Variants in PDLIM1 observed in about 807,000 individuals in gnomAD.
PDLIM1 encodes PDZ and LIM domain 1, also known as PDZ and LIM domain protein 1.
Under a neutral mutation model 35.2 loss-of-function variants are expected in PDLIM1, and 25 were observed. The observed-to-expected ratio is 0.71, with a 90% CI of 0.52 to 0.99. The LOEUF (loss-of-function observed/expected upper bound fraction) is 0.99, where lower values mean the gene tolerates loss of function less well. PDLIM1 is among the 50% of genes least tolerant of loss of function. PDLIM1 has a pLI of 0.00. For synonymous variants in PDLIM1, 152 were observed against 154.0 expected, an observed-to-expected ratio of 0.99 and a Z score of 0.10; for missense variants, 363 against 415.3, an observed-to-expected ratio of 0.87 and a Z score of 1.09.
intron 4 of PDLIM1, among the ~76,000 whole-genome samples, chr10:95,256,994 G>GAAAAGAAAAGAAAAGA (rs773386796): frequency 4.5e-4 from 50 of 110,256 alleles, no homozygotes; most frequent in African/African-American, 1.4e-3. Flanking sequence ...AAAAAAGAAA[G>GAAAAGAAAAGAAAAGA]AAAGAAAGAA....
chr10:95,254,926 G>A (rs74669566), intron 4 of PDLIM1, among the ~76,000 whole-genome samples: 473 of 151,874 alleles, frequency 3.1e-3, no homozygotes, highest in African/African-American at 7.3e-3. Flanking sequence ...AAGTAAGTAA[G>A]TAAATAAATA....
At position 95,267,347 on chromosome 10, in the gene PDLIM1, G is replaced by A. The variant is rs529543528; in HGVS notation, c.333+1431C>T. On this transcript the variant is annotated intron_variant, in intron 3 of 6. Coordinates refer to ENST00000329399, the MANE Select transcript of PDLIM1 (RefSeq NM_020992.4). The stretch of plus-strand genomic sequence containing the variant: ...TCATTCCTTGTGTGTTATAAAATAT[G>A]TAAAAATTAAAATTTAACAATTAAA... Among the ~76,000 whole-genome samples, 3 of 152,184 alleles carry A rather than the reference G, an allele frequency of 2.0e-5. No individual in the cohort carries two copies. In the East Asian group the frequency reaches 5.8e-4, roughly 29 times the overall value.
intron 1 of PDLIM1, among the ~76,000 whole-genome samples, chr10:95,289,409 T>C (rs1281554346): frequency 6.6e-6 from 1 of 152,116 alleles, no homozygotes; most frequent in African/African-American, 2.4e-5. Flanking sequence ...TGTGTACCTT[T>C]GAGAATAATC....
In PDLIM1 at chr10:95,290,122, C is replaced by G. The variant is rs912825454; in HGVS notation, c.96+698G>C. On this transcript the variant is annotated intron_variant, in intron 1 of 6. Transcript: ENST00000329399. The surrounding 1 kb of genome is among the most constrained non-coding windows in gnomAD (Gnocchi z 4.7). ...GGTGGACACCCCATCGCAGTATCTA[C>G]TCATGCCCTGAGAAAAAAGGGCTGG... Among the ~76,000 whole-genome samples the G allele has an allele frequency of 6.6e-6, 1 of 152,142 alleles. No homozygotes were observed.
chr10:95,263,850 C>T lies in PDLIM1; in HGVS notation c.533+14G>A. 1 of 1,599,774 alleles carries T rather than the reference C, an allele frequency of 6.3e-7. No homozygotes were observed. Among genetic ancestry groups the T allele is most frequent in the Non-Finnish European group, 8.5e-7 (1 of 1,171,874 alleles). ...CCCAGGAGCGGCTCAGAGGAGGACT[C>T]CTGGGCTACTTACGGTCTGCTGTTC... On this transcript the variant is annotated intron_variant, in intron 4 of 6. Coordinates refer to ENST00000329399, the MANE Select transcript of PDLIM1 (RefSeq NM_020992.4).
intron 1 of PDLIM1, among the ~76,000 whole-genome samples, chr10:95,276,706 T>C (rs993671379): frequency 1.3e-5 from 2 of 152,048 alleles, no homozygotes; most frequent in African/African-American, 4.8e-5. Context: ...ATCTGCATCA[T>C]TACAGATGAG....
chr10:95,282,441 CAATAA>C (rs2035568761), intron 1 of PDLIM1, among the ~76,000 whole-genome samples: 2 of 152,122 alleles, frequency 1.3e-5, no homozygotes, highest in Non-Finnish European at 2.9e-5. Flanking sequence ...GGAAATGAGG[CAATAA>C]AATAGGGTAG....
At chr10:95,274,293 CTTT>C (rs11429361) in intron 1 of PDLIM1, among the ~76,000 whole-genome samples, 9 of 130,576 alleles carry the variant, frequency 6.9e-5, no homozygotes, top group African/African-American at 5.8e-5. Context: ...CACAGTCATC[CTTT>C]TTTTTTTTTT....
chr10:95,270,984 C>T (rs977215602), intron 2 of PDLIM1, among the ~76,000 whole-genome samples: 2 of 151,754 alleles, frequency 1.3e-5, no homozygotes, highest in African/African-American at 4.8e-5. Context: ...CTCCAGACCT[C>T]AAGTGATTTG....
intron 1 of PDLIM1, among the ~76,000 whole-genome samples, chr10:95,276,896 TAAAAA>T (rs61442624): frequency 4.4e-5 from 3 of 68,878 alleles, no homozygotes; most frequent in Admixed American, 2.2e-4. Context: ...TTCAGTTTCC[TAAAAA>T]AAAAAAAAAA....
chr10:95,284,009 GTGT>G (rs1438568416), intron 1 of PDLIM1, among the ~76,000 whole-genome samples: 1 of 151,788 alleles, frequency 6.6e-6, no homozygotes, highest in Non-Finnish European at 1.5e-5. Flanking sequence ...GTGTGTGTGT[GTGT>G]GTGTCTCCTT....
At chr10:95,253,798 T>C (rs1406203854) in intron 4 of PDLIM1, among the ~76,000 whole-genome samples, 1 of 152,214 alleles carries the variant, frequency 6.6e-6, no homozygotes, top group African/African-American at 2.4e-5. Context: ...TAACACTGTC[T>C]GATGTGGTTC....
chr10:95,263,807 C>A, intron 4 of PDLIM1, 57 bp downstream of exon 4: 1 of 1,400,070 alleles, frequency 7.1e-7, no homozygotes, highest in Admixed American at 1.9e-5. Flanking sequence ...AGCCCTGGTC[C>A]TGATGTGAAA....
intron 1 of PDLIM1, among the ~76,000 whole-genome samples, chr10:95,280,518 G>A (rs533670224): frequency 6.6e-6 from 1 of 152,254 alleles, no homozygotes; most frequent in South Asian, 2.1e-4. Flanking sequence ...ATTACCAAAT[G>A]CCCTGATTTG....
rs555025000 is a variant in PDLIM1 at position 95,290,677 on chromosome 10, G to A, written c.96+143C>T. On this transcript the variant is annotated intron_variant, in intron 1 of 6. Transcript: ENST00000329399. This position sits in a 1 kb window ranked among gnomAD's most constrained non-coding sequence, Gnocchi z 4.7. ...GCGGGGAGCGGCGGGGCCCGGGCGC[G>A]CGGAGAGCGCTCAACTAACAGCGCA... 4.8e-6 allele frequency: 2 copies of A among 413,074 alleles called. No homozygotes were observed. Among genetic ancestry groups the A allele is most frequent in the Admixed American group, 9.2e-5 (2 of 21,810 alleles). The allele number at this position is 413,074 out of a possible 1,614,324, so 25.6% of individuals were successfully genotyped here. A position where few individuals can be genotyped will look rare whatever the true frequency, so the allele number is the denominator to read the frequency against.
In PDLIM1 at chr10:95,268,768, A is replaced by C; in HGVS notation, c.333+10T>G. 1 of 1,584,910 alleles carries C rather than the reference A, an allele frequency of 6.3e-7. No individual in the cohort carries two copies. Among genetic ancestry groups the C allele is most frequent in the Non-Finnish European group, 8.7e-7 (1 of 1,153,312 alleles). On this transcript the variant is annotated intron_variant, in intron 3 of 6. Coordinates refer to ENST00000329399, the MANE Select transcript of PDLIM1 (RefSeq NM_020992.4). ...GGTGAGAGCAGCGGCAACGATGAGC[A>C]AGAACTTACCTGGGGTTCAGAGGCT...
intron 4 of PDLIM1, among the ~76,000 whole-genome samples, chr10:95,258,947 A>G (rs560308470): frequency 1.6e-3 from 239 of 152,340 alleles, no homozygotes; most frequent in African/African-American, 5.7e-3. Flanking sequence ...AGCTAATCCC[A>G]GGTTACATAC....
intron 4 of PDLIM1, among the ~76,000 whole-genome samples, chr10:95,250,622 A>G (rs11188249): frequency 0.075 from 11,361 of 152,314 alleles, 603 homozygotes; most frequent in Admixed American, 0.13. Flanking sequence ...AAAAACAGCA[A>G]TGAAAGAATA....
intron 4 of PDLIM1, among the ~76,000 whole-genome samples, chr10:95,251,018 A>G (rs1239815603): frequency 6.6e-6 from 1 of 152,032 alleles, no homozygotes; most frequent in Non-Finnish European, 1.5e-5. Context: ...CCTTGAGCCC[A>G]CCTCCCAGAG....
Sources: gnomAD v4.1 joint callset for allele counts (sites outside exome capture counted in the v4.1 genomes callset) on GRCh38, gnomAD v4.1.1 for gene constraint, Gnocchi (gnomAD v3.1) non-coding constraint, MANE v1.5 for transcripts, NCBI Gene and HGNC (gene_info 2026-07-23, HGNC 2026-07-21) for gene names.